Variants in PPP1R7 observed in about 807,000 individuals in gnomAD.
PPP1R7 encodes the protein protein phosphatase 1 regulatory subunit 7, also known as protein phosphatase 1 regulatory subunit 22.
A neutral mutation model predicts 45.2 loss-of-function variants in PPP1R7; 18 were observed. That is an observed-to-expected ratio of 0.40 (90% CI 0.28 to 0.59). The LOEUF is 0.59. PPP1R7 is among the 20% of genes least tolerant of loss of function. PPP1R7 has a pLI of 0.46. For missense variants in PPP1R7, 314 were observed against 455.8 expected, an observed-to-expected ratio of 0.69 and a Z score of 2.83; for synonymous variants, 181 against 183.4, an observed-to-expected ratio of 0.99 and a Z score of 0.11.
chr2:241,169,347 A>G (rs1366773337), intron 8 of PPP1R7, among the ~76,000 whole-genome samples: 3 of 152,192 alleles, frequency 2.0e-5, no homozygotes, highest in South Asian at 2.1e-4. Flanking sequence ...GAAGAGAGGA[A>G]CTTTGTTTTG....
intron 9 of PPP1R7, among the ~76,000 whole-genome samples, chr2:241,171,547 A>C (rs954831605): frequency 6.6e-6 from 1 of 152,208 alleles, no homozygotes; most frequent in Non-Finnish European, 1.5e-5. Flanking sequence ...AGAAATAGAA[A>C]ACCAGTCTTA....
chr2:241,166,305 G>A, intron 7 of PPP1R7, 32 bp from the exon 8 acceptor site: 2 of 1,570,890 alleles, frequency 1.3e-6, no homozygotes, highest in South Asian at 1.1e-5. Flanking sequence ...CTTCTGTACT[G>A]TTCTGACAGC....
At chr2:241,180,298 G>C (rs2067978134) in intron 9 of PPP1R7, among the ~76,000 whole-genome samples, 2 of 147,036 alleles carry the variant, frequency 1.4e-5, no homozygotes, top group South Asian at 4.2e-4. Flanking sequence ...AGGCAGTGGT[G>C]TTCAGTCTTT....
At chr2:241,159,074 C>A in intron 4 of PPP1R7, 139 bp from the exon 5 acceptor site, 4 of 1,088,324 alleles carry the variant, frequency 3.7e-6, no homozygotes, top group Non-Finnish European at 5.3e-6. Flanking sequence ...CAAAGGTCAG[C>A]ACCTTTCTAG....
chr2:241,177,683 C>T (rs889543295), intron 9 of PPP1R7, among the ~76,000 whole-genome samples: 4 of 152,218 alleles, frequency 2.6e-5, no homozygotes, highest in Non-Finnish European at 4.4e-5. Context: ...CCATACGCGA[C>T]TTGTTTCAAG....
At chr2:241,182,413 C>T (rs1414946518) in intron 9 of PPP1R7, among the ~76,000 whole-genome samples, 3 of 152,150 alleles carry the variant, frequency 2.0e-5, no homozygotes, top group Non-Finnish European at 4.4e-5. Flanking sequence ...GACTTGGCCC[C>T]GTCATAGTGA....
intron 4 of PPP1R7, 183 bp downstream of exon 4, chr2:241,158,732 A>T (rs903815654): frequency 1.7e-6 from 1 of 603,634 alleles, no homozygotes; most frequent in Non-Finnish European, 2.9e-6. Context: ...CAGTCGAGGG[A>T]CTTGAGGCAC....
At chr2:241,158,581 G>T (rs750057145) in intron 4 of PPP1R7, 32 bp downstream of exon 4, 1 of 1,582,430 alleles carries the variant, frequency 6.3e-7, no homozygotes, top group East Asian at 2.2e-5. Flanking sequence ...GGACTATGAC[G>T]CTCACCCATA....
At chr2:241,162,683 C>CTT (rs1232024996) in intron 6 of PPP1R7, among the ~76,000 whole-genome samples, 4,814 of 134,344 alleles carry the variant, frequency 0.036, 281 homozygotes, top group East Asian at 0.15. Context: ...CTTGGGAGGA[C>CTT]TTTTTTTTTT....
chr2:241,159,508 C>G (rs1176827565), intron 5 of PPP1R7, among the ~76,000 whole-genome samples, 165 bp downstream of exon 5: 1 of 152,180 alleles, frequency 6.6e-6, no homozygotes, highest in African/African-American at 2.4e-5. Context: ...CTCCTGTTTT[C>G]AGGGCTCCAG....
At chr2:241,172,617 C>T (rs1326468507) in intron 9 of PPP1R7, among the ~76,000 whole-genome samples, 1 of 150,024 alleles carries the variant, frequency 6.7e-6, no homozygotes, top group Non-Finnish European at 1.5e-5. Context: ...GCACTCCAGC[C>T]TGGGCAAAAA....
chr2:241,172,299 A>G (rs1426617228), intron 9 of PPP1R7, among the ~76,000 whole-genome samples: 1 of 152,132 alleles, frequency 6.6e-6, no homozygotes, highest in Non-Finnish European at 1.5e-5. Context: ...CACCATCTAT[A>G]TATTTTACAT....
At chr2:241,162,765 C>T (rs563016636) in intron 6 of PPP1R7, among the ~76,000 whole-genome samples, 1 of 151,148 alleles carries the variant, frequency 6.6e-6, no homozygotes, top group South Asian at 2.1e-4. Context: ...TCACTGCAAG[C>T]TCTGCCTCCT....
At chr2:241,170,266 A>T (rs561934897) in intron 9 of PPP1R7, among the ~76,000 whole-genome samples, 1 of 152,370 alleles carries the variant, frequency 6.6e-6, no homozygotes, top group Non-Finnish European at 1.5e-5. Context: ...AGAGAGGCAG[A>T]CGCATTCCCT....
At chr2:241,169,923 T>C in intron 9 of PPP1R7, 56 bp downstream of exon 9, 1 of 1,321,316 alleles carries the variant, frequency 7.6e-7, no homozygotes, top group East Asian at 2.3e-5. Flanking sequence ...GTCTCACTGA[T>C]TAAAATGTCT....
chr2:241,159,242 A>G lies in PPP1R7; in HGVS notation c.333A>G (p.Lys111=). 6.2e-7 allele frequency: 1 copy of G among 1,613,466 alleles called. No homozygotes were observed. The highest frequency in any genetic ancestry group is 8.5e-7 in the Non-Finnish European group (1 of 1,179,614). ...TCTGCCTCCGCCAAAATTTAATTAAATGCATTGAGAATCTGGAGGAGCTAC... is the reference window on the plus strand; with the variant it reads ...TCTGCCTCCGCCAAAATTTAATTAAGTGCATTGAGAATCTGGAGGAGCTAC... The part of the protein sequence containing the change: ...KTLCLRQNLI[K]CIENLEELQS... The change falls in exon 5 of 10, where the codon AAA becomes AAG. Residue 111 remains lysine, a synonymous_variant. Coordinates refer to ENST00000234038, the MANE Select transcript of PPP1R7 (RefSeq NM_002712.3).
At chr2:241,159,175 C>G (rs372765684) in intron 4 of PPP1R7, 38 bp from the exon 5 acceptor site, 1 of 1,608,632 alleles carries the variant, frequency 6.2e-7, no homozygotes, top group Non-Finnish European at 8.5e-7. Context: ...GTGGCCTCCC[C>G]CTTGCCTGTG....
intron 8 of PPP1R7, chr2:241,166,913 C>T: frequency 2.7e-6 from 2 of 752,008 alleles, no homozygotes; most frequent in South Asian, 3.6e-5. Context: ...ACAGGACCAG[C>T]TCTCAGTCCC....
chr2:241,166,872 C>T (rs1266689731), intron 8 of PPP1R7, among the ~76,000 whole-genome samples: 1 of 152,224 alleles, frequency 6.6e-6, no homozygotes, highest in Non-Finnish European at 1.5e-5. Context: ...GTCCACTGGC[C>T]TCAGCCCCTA....
Sources: allele counts gnomAD v4.1 joint callset (sites outside exome capture counted in the v4.1 genomes callset), GRCh38; gene constraint gnomAD v4.1.1; transcripts MANE v1.5; gene names NCBI Gene and HGNC (gene_info 2026-07-23, HGNC 2026-07-21).